Variants in GRB10 observed in about 807,000 individuals in gnomAD.
GRB10 encodes the protein growth factor receptor-bound protein 10.
GRB10 carries 20 observed loss-of-function variants against 80.9 expected under a neutral mutation model. The observed-to-expected ratio is 0.25, with a 90% CI of 0.17 to 0.36. GRB10 has a LOEUF of 0.36. Ranked by LOEUF, GRB10 falls within the 10% of genes least tolerant of loss-of-function variation. The probability of loss-of-function intolerance (pLI) is 1.00; values close to 1 mark genes in which losing one functional copy is unlikely to be tolerated. For missense variants in GRB10, 548 were observed against 747.7 expected, an observed-to-expected ratio of 0.73 and a Z score of 3.12; for synonymous variants, 291 against 291.5, an observed-to-expected ratio of 1.00 and a Z score of 0.02.
Position 50,604,006 on chromosome 7 carries a change from G to T in GRB10, c.1536C>A (p.Leu512=). 1.2e-6 allele frequency: 2 copies of T among 1,611,926 alleles called. No individual in the cohort carries two copies. Among genetic ancestry groups the T allele is most frequent in the Non-Finnish European group, 1.7e-6 (2 of 1,177,966 alleles). Residue 512 remains leucine, a synonymous_variant, in exon 17 of 19, where the codon CTC becomes CTA. Coordinates refer to ENST00000401949, the MANE Select transcript of GRB10 (RefSeq NM_001350814.2). ...ESHRIIKQQG[L]VDGLFLLRDS... ...CAGTGGTGGTTCCTTACCCATCCACGAGCCCTTGCTGTTTAATGATCCTGT... is the reference window on the plus strand; with the variant it reads ...CAGTGGTGGTTCCTTACCCATCCACTAGCCCTTGCTGTTTAATGATCCTGT...
chr7:50,663,884 G>A (rs149468679), intron 7 of GRB10, among the ~76,000 whole-genome samples: 20 of 152,332 alleles, frequency 1.3e-4, no homozygotes, highest in African/African-American at 3.6e-4. Context: ...TGCCACAGCC[G>A]AAACCAGCAG....
intron 2 of GRB10, among the ~76,000 whole-genome samples, chr7:50,778,748 G>C (rs1430115216): frequency 6.6e-6 from 1 of 152,238 alleles, no homozygotes; most frequent in Non-Finnish European, 1.5e-5. Flanking sequence ...AGGCCTTCCA[G>C]GTTCCAGGCT....
At chr7:50,705,446 C>G (rs1354754928) in intron 4 of GRB10, 3 of 255,252 alleles carry the variant, frequency 1.2e-5, no homozygotes, top group African/African-American at 6.9e-5. Flanking sequence ...AGATGTAAAA[C>G]TTGCTAAGTA....
chr7:50,592,917 C>T lies in GRB10; in HGVS notation c.*35G>A. ...GACCGCTTCTTCACTCCAGTGTTCA[C>T]TTCCTCCAGTCTTCAGCCGAGAGGA... On this transcript the variant is annotated 3_prime_UTR_variant, in exon 19 of 19. Transcript: ENST00000401949. The T allele has an allele frequency of 6.2e-7, 1 of 1,612,846 alleles. No individual in the cohort carries two copies. Among genetic ancestry groups the T allele is most frequent in the Non-Finnish European group, 8.5e-7 (1 of 1,178,900 alleles).
intron 11 of GRB10, 53 bp from the exon 12 acceptor site, chr7:50,614,933 G>A: frequency 8.7e-7 from 1 of 1,145,104 alleles, no homozygotes. Flanking sequence ...GAGCAAATGT[G>A]TTCACCTCTG....
At position 50,591,887 on chromosome 7, in the gene GRB10, C is replaced by T. The variant is rs1041487687; in HGVS notation, c.*1065G>A. 5.3e-5 allele frequency: 8 copies of T among 152,354 alleles called. No individual in the cohort carries two copies. Among genetic ancestry groups the T allele is most frequent in the African/African-American group, 1.9e-4 (8 of 41,566 alleles). 9.4% of individuals were successfully genotyped at this position (152,354 alleles called of 1,614,324 possible). A position where few individuals can be genotyped will look rare whatever the true frequency, so the allele number is the denominator to read the frequency against. ...TATCACTATGGAAACCCATGAGACA[C>T]AGCACGAAGACAACCAGGTGCCATT... On this transcript the variant is annotated 3_prime_UTR_variant, in exon 19 of 19. Coordinates refer to ENST00000401949, the MANE Select transcript of GRB10 (RefSeq NM_001350814.2).
chr7:50,689,646 C>T (rs1439366912), intron 5 of GRB10, among the ~76,000 whole-genome samples: 1 of 152,058 alleles, frequency 6.6e-6, no homozygotes, highest in Admixed American at 6.5e-5. Flanking sequence ...AATGTGCACA[C>T]AGTGTCTACC....
At chr7:50,745,604 G>A (rs958130283) in intron 3 of GRB10, among the ~76,000 whole-genome samples, 7 of 152,150 alleles carry the variant, frequency 4.6e-5, no homozygotes, top group South Asian at 2.1e-4. Flanking sequence ...TGTCTTTGCC[G>A]CCTAAAAATA....
intron 7 of GRB10, among the ~76,000 whole-genome samples, chr7:50,661,592 C>T (rs2059278689): frequency 6.6e-6 from 1 of 152,156 alleles, no homozygotes; most frequent in Non-Finnish European, 1.5e-5. Flanking sequence ...TCTAGGGTGC[C>T]CCTGGGGACA....
intron 6 of GRB10, among the ~76,000 whole-genome samples, chr7:50,672,112 G>A (rs1371532094): frequency 6.6e-6 from 1 of 152,166 alleles, no homozygotes; most frequent in African/African-American, 2.4e-5. Context: ...GCTTTCCTAT[G>A]TGCAAAGCCT....
chr7:50,645,795 C>T (rs189401001), intron 7 of GRB10: 295 of 186,106 alleles, frequency 1.6e-3, no homozygotes, highest in Non-Finnish European at 2.6e-3. Context: ...AGTCCCCTCA[C>T]CACCCAGGGA....
chr7:50,608,100 T>C (rs1245795521), intron 13 of GRB10, among the ~76,000 whole-genome samples: 2 of 152,136 alleles, frequency 1.3e-5, no homozygotes, highest in Non-Finnish European at 2.9e-5. Flanking sequence ...CCAAAAACTT[T>C]CCAAAGTTGA....
At chr7:50,651,390 T>G (rs1042473467) in intron 7 of GRB10, among the ~76,000 whole-genome samples, 1 of 152,206 alleles carries the variant, frequency 6.6e-6, no homozygotes, top group African/African-American at 2.4e-5. Flanking sequence ...TACAGAAGCA[T>G]CACTGCAATC....
intron 3 of GRB10, among the ~76,000 whole-genome samples, chr7:50,754,465 G>A (rs1216506729): frequency 2.0e-5 from 3 of 152,162 alleles, no homozygotes; most frequent in Non-Finnish European, 4.4e-5. Flanking sequence ...TGACCAGGGC[G>A]GGAGCTGCAG....
intron 6 of GRB10, among the ~76,000 whole-genome samples, chr7:50,673,329 G>C (rs145535907): frequency 6.6e-5 from 10 of 152,184 alleles, no homozygotes; most frequent in Non-Finnish European, 1.5e-4. Context: ...CGACAGGGCA[G>C]ACAGGCGGAT....
intron 5 of GRB10, among the ~76,000 whole-genome samples, chr7:50,684,298 ATAAT>A (rs961998702): frequency 1.4e-5 from 2 of 147,522 alleles, no homozygotes; most frequent in African/African-American, 5.0e-5. Context: ...AGGTAAGGTA[ATAAT>A]TAATCACTCT....
intron 4 of GRB10, among the ~76,000 whole-genome samples, chr7:50,721,329 T>C (rs1462907213): frequency 6.6e-6 from 1 of 152,198 alleles, no homozygotes; most frequent in African/African-American, 2.4e-5. Flanking sequence ...GACTCCTCCC[T>C]CTGCCCAGGA....
intron 3 of GRB10, among the ~76,000 whole-genome samples, chr7:50,752,389 G>A (rs1393818755): frequency 1.3e-5 from 2 of 152,220 alleles, no homozygotes; most frequent in African/African-American, 2.4e-5. Flanking sequence ...ACACCTTGAG[G>A]AGCAAAACGG....
chr7:50,631,861 G>C (rs1047316929), intron 7 of GRB10, among the ~76,000 whole-genome samples: 1 of 152,192 alleles, frequency 6.6e-6, no homozygotes, highest in East Asian at 1.9e-4. Flanking sequence ...AAGCTTGCCC[G>C]ATGTCACAGA....
Sources: gnomAD v4.1 joint callset for allele counts (sites outside exome capture counted in the v4.1 genomes callset) on GRCh38, gnomAD v4.1.1 for gene constraint, MANE v1.5 for transcripts, NCBI Gene and HGNC (gene_info 2026-07-23, HGNC 2026-07-21) for gene names.